The following XRN1 variants were observed in gnomAD, a reference collection of about 807,000 sequenced individuals.
XRN1 encodes the protein strand-exchange protein 1 homolog.
A neutral mutation model predicts 222.3 loss-of-function variants in XRN1; 67 were observed. That is an observed-to-expected ratio of 0.30 (90% CI 0.25 to 0.37). The LOEUF (loss-of-function observed/expected upper bound fraction) is 0.37. Among genes scored for constraint, XRN1 ranks in the 10% least tolerant of loss-of-function variants. XRN1 has a pLI of 1.00. For missense variants in XRN1, 1,707 were observed against 2,000.2 expected, an observed-to-expected ratio of 0.85 and a Z score of 2.80; for synonymous variants, 643 against 652.4, an observed-to-expected ratio of 0.99 and a Z score of 0.22.
In XRN1 at chr3:142,308,823, T is replaced by A. The variant is rs1018654087; in HGVS notation, c.*2688A>T. 7.9e-5 allele frequency: 12 copies of A among 152,368 alleles called. No individual in the cohort carries two copies. The highest frequency in any genetic ancestry group is 3.4e-3 in the Middle Eastern group (1 of 294). The allele number at this position is 152,368 out of a possible 1,614,324, so 9.4% of individuals were successfully genotyped here. A position where few individuals can be genotyped will look rare whatever the true frequency, so the allele number is the denominator to read the frequency against. On this transcript the variant is annotated 3_prime_UTR_variant, in exon 41 of 41. Transcript: ENST00000392981. Reference sequence around the variant, plus strand: ...AAAGCAATTTGGGGAATCTGTCCTATGCCCTAAACAGTCCACCATTTTCAC... The same window carrying A: ...AAAGCAATTTGGGGAATCTGTCCTAAGCCCTAAACAGTCCACCATTTTCAC...
Position 142,444,429 on chromosome 3 carries a change from G to A in XRN1, c.75+3441C>T, listed in dbSNP as rs141268292. 1.1e-4 allele frequency among the ~76,000 whole-genome samples: 17 copies of A among 152,222 alleles called. 1 individual carries two copies. In the East Asian group the frequency reaches 1.9e-3, roughly 17 times the overall value. On this transcript the variant is annotated intron_variant, in intron 1 of 40. Coordinates refer to ENST00000392981, the MANE Select transcript of XRN1 (RefSeq NM_001282857.2). ...AGTTGGAGAAGAGCCTGGCCAACAC[G>A]GCAAAACTCCATGTCTACTAAGAAC...
intron 1 of XRN1, among the ~76,000 whole-genome samples, chr3:142,440,034 C>A (rs2070129764): frequency 6.6e-6 from 1 of 152,154 alleles, no homozygotes; most frequent in Non-Finnish European, 1.5e-5. Flanking sequence ...GATGATCCAG[C>A]AGCAGGACTG....
In XRN1 at chr3:142,380,793, G is replaced by A. The variant is rs78010218; in HGVS notation, c.2617-613C>T. 5.1e-3 allele frequency among the ~76,000 whole-genome samples: 775 copies of A among 151,940 alleles called. 8 individuals carry two copies. The highest frequency in any genetic ancestry group is 0.018 in the African/African-American group (756 of 41,396). ...TCCCACCTCAGCCTCTCAAGCAGCT[G>A]GAGCTACAGGTATGCACCACTAAGC... is the stretch of plus-strand genomic sequence containing the variant. On this transcript the variant is annotated intron_variant, in intron 22 of 40. Coordinates refer to ENST00000392981, the MANE Select transcript of XRN1 (RefSeq NM_001282857.2).
At chr3:142,431,837 ATATTAAAAAATATATATAT>A (rs2069542352) in intron 2 of XRN1, among the ~76,000 whole-genome samples, 1 of 85,014 alleles carries the variant, frequency 1.2e-5, no homozygotes, top group Non-Finnish European at 2.2e-5. Context: ...ATTATATATA[ATATTAAAAAATATATATAT>A]TATATATAAT....
chr3:142,390,261 C>CA (rs2067666843), intron 20 of XRN1, among the ~76,000 whole-genome samples: 1 of 152,218 alleles, frequency 6.6e-6, no homozygotes. Flanking sequence ...GCTTTGAAGC[C>CA]AGGCATTGGC....
intron 24 of XRN1, chr3:142,376,179 A>G (rs377456344): frequency 1.4e-6 from 1 of 722,754 alleles, no homozygotes. Flanking sequence ...TAAATTATGT[A>G]ATTATAGAGG....
chr3:142,357,252 C>T (rs531220116), intron 30 of XRN1, 133 bp from the exon 31 acceptor site: 7 of 770,228 alleles, frequency 9.1e-6, no homozygotes, highest in South Asian at 7.3e-5. Flanking sequence ...GGTAGAGGAA[C>T]CTCAAATCAC....
intron 27 of XRN1, among the ~76,000 whole-genome samples, chr3:142,369,737 A>G (rs1180457339): frequency 6.6e-6 from 1 of 151,644 alleles, no homozygotes; most frequent in Non-Finnish European, 1.5e-5. Context: ...AAAAAGATGA[A>G]CTGTGTCTTT....
intron 21 of XRN1, 83 bp from the exon 22 acceptor site, chr3:142,383,496 T>C (rs2067378125): frequency 3.5e-6 from 4 of 1,150,896 alleles, no homozygotes; most frequent in Admixed American, 2.5e-5. Flanking sequence ...ATTATGACTA[T>C]GCTGTTTGCA....
At chr3:142,419,765 G>A (rs1193998355) in intron 10 of XRN1, among the ~76,000 whole-genome samples, 4 of 151,050 alleles carry the variant, frequency 2.6e-5, no homozygotes, top group Admixed American at 6.6e-5. Flanking sequence ...CCAAGATCGC[G>A]CCACTGCACT....
intron 2 of XRN1, among the ~76,000 whole-genome samples, chr3:142,431,860 ATATAATATAT>A (rs1409522940): frequency 2.1e-4 from 7 of 33,738 alleles, no homozygotes; most frequent in African/African-American, 3.0e-4. Flanking sequence ...TATATATTAT[ATATAATATAT>A]TATATTATAT....
chr3:142,375,444 C>T (rs1430397240), intron 25 of XRN1, among the ~76,000 whole-genome samples: 2 of 152,026 alleles, frequency 1.3e-5, no homozygotes, highest in Admixed American at 6.6e-5. Flanking sequence ...CTACATAGTT[C>T]TAAGAATCAG....
At chr3:142,359,005 A>T (rs1304012360) in intron 30 of XRN1, among the ~76,000 whole-genome samples, 1 of 152,176 alleles carries the variant, frequency 6.6e-6, no homozygotes, top group Non-Finnish European at 1.5e-5. Flanking sequence ...AACCTAGGGA[A>T]GTATGTATAT....
chr3:142,413,511 A>T (rs1315067748), intron 14 of XRN1, among the ~76,000 whole-genome samples: 2 of 152,168 alleles, frequency 1.3e-5, no homozygotes, highest in African/African-American at 4.8e-5. Flanking sequence ...CCAATTCCTG[A>T]CCAAACCACA....
At chr3:142,446,579 T>C (rs895971149) in intron 1 of XRN1, among the ~76,000 whole-genome samples, 2 of 152,212 alleles carry the variant, frequency 1.3e-5, no homozygotes, top group Non-Finnish European at 2.9e-5. Flanking sequence ...GAACAAATTA[T>C]GTATTAAATC....
chr3:142,380,244 A>T, intron 22 of XRN1, 64 bp from the exon 23 acceptor site: 1 of 1,357,322 alleles, frequency 7.4e-7, no homozygotes, highest in Admixed American at 2.0e-5. Context: ...AACTTATTTG[A>T]ACACTATTAT....
At chr3:142,434,216 G>A (rs2069763498) in intron 1 of XRN1, among the ~76,000 whole-genome samples, 1 of 151,962 alleles carries the variant, frequency 6.6e-6, no homozygotes, top group Admixed American at 6.6e-5. Flanking sequence ...GTGCGATCTC[G>A]GCTCACTGCA....
intron 29 of XRN1, 73 bp from the exon 30 acceptor site, chr3:142,360,004 G>A: frequency 1.1e-6 from 1 of 942,012 alleles, no homozygotes; most frequent in Non-Finnish European, 1.6e-6. Context: ...AGTTTTTGGA[G>A]TGTTTGGAAG....
intron 5 of XRN1, among the ~76,000 whole-genome samples, chr3:142,424,893 A>C (rs2069185975): frequency 6.6e-6 from 1 of 152,178 alleles, no homozygotes; most frequent in East Asian, 1.9e-4. Flanking sequence ...TATCTGGAGC[A>C]TGGAGTTTTC....
Sources: gnomAD v4.1 joint callset for allele counts (sites outside exome capture counted in the v4.1 genomes callset) on GRCh38, gnomAD v4.1.1 for gene constraint, MANE v1.5 for transcripts, NCBI Gene and HGNC (gene_info 2026-07-23, HGNC 2026-07-21) for gene names.